The following SMCHD1 variants were observed in gnomAD, a reference collection of about 807,000 sequenced individuals.
SMCHD1 encodes structural maintenance of chromosomes flexible hinge domain-containing protein 1.
In SMCHD1, 78 loss-of-function variants were observed where a neutral mutation model predicts 254.7. The ratio of observed to expected loss-of-function variants is 0.31; its 90% CI spans 0.26 to 0.37. SMCHD1 has a LOEUF of 0.37. Among genes scored for constraint, SMCHD1 ranks in the 10% least tolerant of loss-of-function variants. The pLI is 1.00. For synonymous variants in SMCHD1, 766 were observed against 794.9 expected (o/e 0.96, Z 0.61); for missense variants, 1,840 against 2,408.1 (o/e 0.76, Z 4.94).
intron 3 of SMCHD1, among the ~76,000 whole-genome samples, chr18:2,667,784 A>G (rs748435963): frequency 3.9e-5 from 6 of 152,118 alleles, no homozygotes; most frequent in Non-Finnish European, 7.4e-5. Flanking sequence ...TTTAACCTAC[A>G]TTTTGTTTAA....
chr18:2,703,787 A>C lies in SMCHD1; in HGVS notation c.1743A>C (p.Gly581=). 2 of 1,612,880 alleles carry C rather than the reference A, an allele frequency of 1.2e-6. No homozygotes were observed. Among genetic ancestry groups the C allele is most frequent in the Non-Finnish European group, 1.7e-6 (2 of 1,179,208 alleles). ...DKQIKFTLFK[G]VITRPDLPSK... ...AAATAAAATTTACACTTTTTAAGGG[A>C]GTAATTACACGTCCTGATCTTCCTT... The change falls in exon 13 of 48, where the codon GGA becomes GGC. Residue 581 remains glycine, a synonymous_variant. Transcript: ENST00000320876.
chr18:2,751,408 G>A lies in SMCHD1; in HGVS notation c.4281+15G>A, dbSNP rs2075568647. On this transcript the variant is annotated intron_variant, in intron 33 of 47. Coordinates refer to ENST00000320876, the MANE Select transcript of SMCHD1 (RefSeq NM_015295.3). ...CCCCAGCAAATGTGAGTCATGGGAAGCATTTTTTGAAGTTAAAAATAGTTC... is the reference window on the plus strand; with the variant it reads ...CCCCAGCAAATGTGAGTCATGGGAAACATTTTTTGAAGTTAAAAATAGTTC... 1.2e-5 allele frequency: 17 copies of A among 1,462,954 alleles called. No individual in the cohort carries two copies. The highest frequency in any genetic ancestry group is 1.4e-5 in the Non-Finnish European group (15 of 1,080,286). The allele number at this position is 1,462,954 out of a possible 1,614,324, so 90.6% of individuals were successfully genotyped here.
chr18:2,730,355 A>G lies in SMCHD1; in HGVS notation c.3048+946A>G, dbSNP rs149882028. On this transcript the variant is annotated intron_variant, in intron 24 of 47. Coordinates refer to ENST00000320876, the MANE Select transcript of SMCHD1 (RefSeq NM_015295.3). ...CTGACTGATTTTTTGTATTTTTAGT[A>G]GAGATGGGGTTTCACCGTGTTAGCC... Among the ~76,000 whole-genome samples the G allele has an allele frequency of 1.4e-3, 215 of 152,216 alleles. 1 individual carries two copies. The highest frequency in any genetic ancestry group is 4.9e-3 in the African/African-American group (205 of 41,540).
chr18:2,800,701 A>G (rs904744354), intron 47 of SMCHD1: 2 of 152,150 alleles, frequency 1.3e-5, no homozygotes, highest in Non-Finnish European at 1.5e-5. Flanking sequence ...TATCCCAGTT[A>G]TAGTTACCAT....
rs1321126035 is a variant in SMCHD1, at chr18:2,718,540, C to T, written c.2458+106C>T. On this transcript the variant is annotated intron_variant, in intron 19 of 47. Transcript: ENST00000320876. This position sits in a 1 kb window ranked among gnomAD's most constrained non-coding sequence, Gnocchi z 4.6. ...AAAGATGTTTGAACAATTGGGTAACCATCTCGATTTTATTTTATTTTCTTA... is the reference window on the plus strand; with the variant it reads ...AAAGATGTTTGAACAATTGGGTAACTATCTCGATTTTATTTTATTTTCTTA... The T allele has an allele frequency of 3.1e-6, 3 of 955,170 alleles. No individual in the cohort carries two copies. Among genetic ancestry groups the T allele is most frequent in the African/African-American group, 3.4e-5 (2 of 59,198 alleles). The allele number at this position is 955,170 out of a possible 1,614,324, so 59.2% of individuals were successfully genotyped here. A position where few individuals can be genotyped will look rare whatever the true frequency, so the allele number is the denominator to read the frequency against.
chr18:2,732,788 C>A (rs533853401), intron 25 of SMCHD1, among the ~76,000 whole-genome samples: 1 of 152,244 alleles, frequency 6.6e-6, no homozygotes, highest in African/African-American at 2.4e-5. Context: ...CAATCATAAT[C>A]AACATCACCA....
Position 2,769,759 on chromosome 18 carries a change from C to A in SMCHD1, c.4785C>A (p.Pro1595=). 6.2e-7 allele frequency: 1 copy of A among 1,603,476 alleles called. No individual in the cohort carries two copies. Among genetic ancestry groups the A allele is most frequent in the East Asian group, 2.2e-5 (1 of 44,660 alleles). Residue 1595 remains proline, a synonymous_variant, in exon 38 of 48, where the codon CCC becomes CCA. Coordinates refer to ENST00000320876, the MANE Select transcript of SMCHD1 (RefSeq NM_015295.3). ...DSTEYFIVFE[P]RLPLLSRTLE... is the part of the protein sequence containing the mutation. ...CTGAATATTTTATTGTATTTGAGCCCCGGCTACCACTTTTATCAAGAACCT... is the reference window on the plus strand; with the variant it reads ...CTGAATATTTTATTGTATTTGAGCCACGGCTACCACTTTTATCAAGAACCT...
intron 41 of SMCHD1, among the ~76,000 whole-genome samples, 154 bp from the exon 42 acceptor site, chr18:2,775,578 TAA>T (rs1315306804): frequency 1.3e-5 from 2 of 152,180 alleles, no homozygotes; most frequent in Non-Finnish European, 2.9e-5. Context: ...ATACAATGTT[TAA>T]TATATTCAAG....
intron 5 of SMCHD1, among the ~76,000 whole-genome samples, chr18:2,687,289 T>C (rs1233957575): frequency 6.6e-6 from 1 of 152,232 alleles, no homozygotes; most frequent in Non-Finnish European, 1.5e-5. Flanking sequence ...AGATTGTGCT[T>C]GTAGGAACAT....
Position 2,700,607 on chromosome 18 carries a change from A to G in SMCHD1, c.1411A>G (p.Ile471Val). 1 of 1,612,114 alleles carries G rather than the reference A, an allele frequency of 6.2e-7. No homozygotes were observed. Among genetic ancestry groups the G allele is most frequent in the African/African-American group, 1.3e-5 (1 of 75,022 alleles). The change falls in exon 11 of 48, where the codon ATT becomes GTT. Residue 471 changes from isoleucine (I) to valine (V), a missense_variant. Ile to Val is a conservative substitution (Grantham distance 29, BLOSUM62 3). Transcript: ENST00000320876. Reference sequence around the variant, plus strand: ...GAAAGCAGCTAGAGGGAAAAGGCCTATTTTTGAATGTTTTTGGAATGGACG... The same window carrying G: ...GAAAGCAGCTAGAGGGAAAAGGCCTGTTTTTGAATGTTTTTGGAATGGACG... ...LEKAARGKRP[I>V]FECFWNGRLI...
At chr18:2,717,056 T>A (rs1170353946) in intron 17 of SMCHD1, among the ~76,000 whole-genome samples, 1 of 152,148 alleles carries the variant, frequency 6.6e-6, no homozygotes, top group Non-Finnish European at 1.5e-5. Flanking sequence ...CTGGAGACTC[T>A]CCATACCAGT....
chr18:2,679,480 C>CGAAAAAAAAAAAAA (rs752743934), intron 5 of SMCHD1, among the ~76,000 whole-genome samples: 1 of 58,676 alleles, frequency 1.7e-5, no homozygotes, highest in Admixed American at 2.1e-4. Flanking sequence ...ACTCCATCTC[C>CGAAAAAAAAAAAAA]AAAAAAAAAA....
Position 2,692,187 on chromosome 18 carries a change from T to A in SMCHD1, c.874-2340T>A, listed in dbSNP as rs529609366. Among the ~76,000 whole-genome samples the A allele has an allele frequency of 2.6e-5, 4 of 152,286 alleles. No homozygotes were observed. The East Asian group carries it at 7.7e-4, about 29-fold the overall frequency. On this transcript the variant is annotated intron_variant, in intron 7 of 47. Coordinates refer to ENST00000320876, the MANE Select transcript of SMCHD1 (RefSeq NM_015295.3). ...TACCAACTGATCATATCCAGTACACTCATTTCCAGGTTCAATTAGATGTTC... is the reference window on the plus strand; with the variant it reads ...TACCAACTGATCATATCCAGTACACACATTTCCAGGTTCAATTAGATGTTC...
chr18:2,686,634 A>G (rs1450322739), intron 5 of SMCHD1, among the ~76,000 whole-genome samples: 1 of 151,632 alleles, frequency 6.6e-6, no homozygotes, highest in Admixed American at 6.6e-5. Context: ...GTGTTTGTGT[A>G]TTGTGTGAGG....
intron 17 of SMCHD1, among the ~76,000 whole-genome samples, chr18:2,708,419 T>C (rs886452786): frequency 6.6e-6 from 1 of 152,176 alleles, no homozygotes; most frequent in Non-Finnish European, 1.5e-5. Flanking sequence ...TAGTCCCAGC[T>C]ACTCGGAAGG....
chr18:2,674,149 A>G lies in SMCHD1; in HGVS notation c.638+4A>G. On this transcript the variant is annotated splice_donor_region_variant and intron_variant, in intron 5 of 47. Transcript: ENST00000320876. ...CAAGGCAAGGTGACTTTGAAAGGTT[A>G]GAAAACCTTACTTTTTTTTTTTTGT... 1.9e-6 allele frequency: 3 copies of G among 1,566,934 alleles called. No individual in the cohort carries two copies. The highest frequency in any genetic ancestry group is 1.7e-6 in the Non-Finnish European group (2 of 1,162,162).
At chr18:2,769,948 A>G in intron 38 of SMCHD1, 41 bp from the exon 39 acceptor site, 2 of 1,545,636 alleles carry the variant, frequency 1.3e-6, no homozygotes, top group Non-Finnish European at 1.7e-6. Flanking sequence ...TAGAAAAGTC[A>G]GTTTTTAAAT....
intron 17 of SMCHD1, among the ~76,000 whole-genome samples, chr18:2,713,481 A>G (rs1023015821): frequency 1.1e-4 from 17 of 152,044 alleles, no homozygotes; most frequent in African/African-American, 3.6e-4. Context: ...AAGATACATC[A>G]TAAACTGGTC....
At chr18:2,788,515 C>G (rs1160844244) in intron 45 of SMCHD1, among the ~76,000 whole-genome samples, 1 of 152,152 alleles carries the variant, frequency 6.6e-6, no homozygotes, top group African/African-American at 2.4e-5. Context: ...TTATCCCTTT[C>G]TATATATTTT....
Sources: gnomAD v4.1 joint callset for allele counts (sites outside exome capture counted in the v4.1 genomes callset) on GRCh38, gnomAD v4.1.1 for gene constraint, Gnocchi (gnomAD v3.1) non-coding constraint, MANE v1.5 for transcripts, NCBI Gene and HGNC (gene_info 2026-07-23, HGNC 2026-07-21) for gene names.